The following SGCZ variants were observed in gnomAD, a reference collection of about 807,000 sequenced individuals.
SGCZ encodes sarcoglycan zeta, also known as zeta-sarcoglycan.
SGCZ carries 40 observed loss-of-function variants against 41.3 expected under a neutral mutation model. The ratio of observed to expected loss-of-function variants is 0.97; its 90% CI spans 0.75 to 1.26. The LOEUF is 1.26. Among genes scored for constraint, SGCZ ranks in the 50% most tolerant of loss-of-function variants. The pLI is 0.00. For synonymous variants in SGCZ, 206 were observed against 137.5 expected, an observed-to-expected ratio of 1.50 and a Z score of -3.49; for missense variants, 552 against 369.8, an observed-to-expected ratio of 1.49 and a Z score of -4.04.
chr8:14,942,197 C>A (rs1452529856), intron 1 of SGCZ, among the ~76,000 whole-genome samples: 3 of 152,010 alleles, frequency 2.0e-5, no homozygotes, highest in African/African-American at 2.4e-5. Context: ...AGTCCCCGTA[C>A]AGAAAAGGAC....
At chr8:14,938,753 G>C (rs1198455884) in intron 1 of SGCZ, among the ~76,000 whole-genome samples, 1 of 151,982 alleles carries the variant, frequency 6.6e-6, no homozygotes, top group African/African-American at 2.4e-5. Flanking sequence ...TTCAGGAATG[G>C]AAAACCAAAT....
chr8:14,181,032 T>C (rs1360282453), intron 4 of SGCZ, among the ~76,000 whole-genome samples: 1 of 152,146 alleles, frequency 6.6e-6, no homozygotes. Flanking sequence ...AGGCCTGAAT[T>C]TAGCAAGCGG....
intron 1 of SGCZ, among the ~76,000 whole-genome samples, chr8:14,564,243 G>T (rs983052784): frequency 1.3e-5 from 2 of 152,174 alleles, no homozygotes; most frequent in Admixed American, 6.5e-5. Context: ...AACCTCTTCA[G>T]TTCCTTACTG....
intron 1 of SGCZ, among the ~76,000 whole-genome samples, chr8:15,219,965 G>C (rs1285852716): frequency 6.6e-6 from 1 of 152,142 alleles, no homozygotes; most frequent in Non-Finnish European, 1.5e-5. Flanking sequence ...GAGAAAAGCA[G>C]ATACTCATTT....
intron 5 of SGCZ, among the ~76,000 whole-genome samples, chr8:14,129,300 C>G (rs922770433): frequency 7.8e-6 from 1 of 127,886 alleles, no homozygotes; most frequent in Non-Finnish European, 1.5e-5. Context: ...TAGCCAAGAT[C>G]GTGCCATTGC....
rs144831749 is a variant in SGCZ, at chr8:14,891,095, T to A, written c.40-336169A>T. Among the ~76,000 whole-genome samples the A allele has an allele frequency of 4.7e-4, 72 of 152,336 alleles. No homozygotes were observed. The East Asian group carries it at 0.013, about 27-fold the overall frequency. On this transcript the variant is annotated intron_variant, in intron 1 of 7. Coordinates refer to ENST00000382080, the MANE Select transcript of SGCZ (RefSeq NM_139167.4). ...TGGAGATACACAAGGAGATTAATGT[T>A]TCCATGCCTGCAAGAAGAACCTCCC...
chr8:14,152,137 A>T (rs899944971), intron 5 of SGCZ, among the ~76,000 whole-genome samples: 2 of 151,930 alleles, frequency 1.3e-5, no homozygotes, highest in Non-Finnish European at 2.9e-5. Context: ...AGAATAAGAA[A>T]ACAAGCTATG....
rs557806417 is a variant in SGCZ at position 14,690,434 on chromosome 8, G to C, written c.40-135508C>G. ...AGGGTATTAGGCACCTCAAGATCAAGCTAAAGGATGATGAGATGCTGTTGA... is the reference window on the plus strand; with the variant it reads ...AGGGTATTAGGCACCTCAAGATCAACCTAAAGGATGATGAGATGCTGTTGA... On this transcript the variant is annotated intron_variant, in intron 1 of 7. Transcript: ENST00000382080. 6 of 152,256 alleles carry C rather than the reference G, an allele frequency of 3.9e-5. No homozygotes were observed. In the South Asian group the frequency reaches 1.2e-3, roughly 32 times the overall value. The allele number at this position is 152,256 out of a possible 1,614,324, so 9.4% of individuals were successfully genotyped here.
intron 1 of SGCZ, among the ~76,000 whole-genome samples, chr8:15,113,438 C>T (rs1385987847): frequency 6.6e-6 from 1 of 152,028 alleles, no homozygotes; most frequent in Non-Finnish European, 1.5e-5. Context: ...AACTGCTCTG[C>T]CTTCACAATG....
At chr8:14,134,920 A>G (rs987976344) in intron 5 of SGCZ, among the ~76,000 whole-genome samples, 32 of 152,208 alleles carry the variant, frequency 2.1e-4, no homozygotes, top group Non-Finnish European at 2.5e-4. Context: ...TGTTAAATTA[A>G]AACTTTAACA....
At chr8:14,587,374 TA>T (rs200503901) in intron 1 of SGCZ, among the ~76,000 whole-genome samples, 2,076 of 138,302 alleles carry the variant, frequency 0.015, 23 homozygotes, top group African/African-American at 0.033. Flanking sequence ...CATTTGGAGC[TA>T]AAAAAAAAAA....
chr8:14,286,238 GC>G (rs1419827772), intron 3 of SGCZ, among the ~76,000 whole-genome samples: 2 of 152,048 alleles, frequency 1.3e-5, no homozygotes, highest in Non-Finnish European at 2.9e-5. Flanking sequence ...TTTGTCTATA[GC>G]ATATTTTTCT....
chr8:14,605,540 C>G (rs1366823765), intron 1 of SGCZ, among the ~76,000 whole-genome samples: 2 of 152,108 alleles, frequency 1.3e-5, no homozygotes, highest in East Asian at 3.9e-4. Flanking sequence ...TAACCACCCA[C>G]TCCCCAAGCC....
At chr8:14,372,786 G>A (rs979433949) in intron 2 of SGCZ, among the ~76,000 whole-genome samples, 2 of 152,130 alleles carry the variant, frequency 1.3e-5, no homozygotes, top group Non-Finnish European at 2.9e-5. Context: ...AGTGGGAAAT[G>A]AGCCAAGAGA....
At chr8:14,281,429 G>T (rs1800433161) in intron 3 of SGCZ, among the ~76,000 whole-genome samples, 1 of 150,226 alleles carries the variant, frequency 6.7e-6, no homozygotes. Context: ...AGCAATATTT[G>T]TATCCACTAA....
intron 1 of SGCZ, among the ~76,000 whole-genome samples, chr8:14,826,575 C>G (rs907250476): frequency 9.2e-5 from 14 of 152,140 alleles, no homozygotes; most frequent in Admixed American, 3.3e-4. Flanking sequence ...TCCTATTTCT[C>G]CACATCCTCT....
At chr8:14,129,065 G>A (rs1056003869) in intron 5 of SGCZ, among the ~76,000 whole-genome samples, 2 of 152,042 alleles carry the variant, frequency 1.3e-5, no homozygotes, top group African/African-American at 4.8e-5. Context: ...CCTTCTCTTG[G>A]GTCGGGCATG....
chr8:14,616,917 C>T (rs748949003), intron 1 of SGCZ, among the ~76,000 whole-genome samples: 1 of 152,000 alleles, frequency 6.6e-6, no homozygotes, highest in Non-Finnish European at 1.5e-5. Context: ...GCAAAATTAC[C>T]TTTAGGTTGT....
chr8:14,245,036 C>A (rs1338158573), intron 3 of SGCZ, among the ~76,000 whole-genome samples: 1 of 152,180 alleles, frequency 6.6e-6, no homozygotes, highest in Non-Finnish European at 1.5e-5. Context: ...ATGTCATCTG[C>A]AAACTGGGAC....
Sources: allele counts gnomAD v4.1 joint callset (sites outside exome capture counted in the v4.1 genomes callset), GRCh38; gene constraint gnomAD v4.1.1; transcripts MANE v1.5; gene names NCBI Gene and HGNC (gene_info 2026-07-23, HGNC 2026-07-21).